Variants in ANKRD30B observed in about 807,000 individuals in gnomAD.
ANKRD30B encodes ankyrin repeat domain 30B, also known as ankyrin repeat domain-containing protein 30B.
A neutral mutation model predicts 202.2 loss-of-function variants in ANKRD30B; 144 were observed. That is an observed-to-expected ratio of 0.71 (90% CI 0.62 to 0.82). ANKRD30B has a LOEUF of 0.82. Ranked by LOEUF, ANKRD30B falls within the 40% of genes least tolerant of loss-of-function variation. ANKRD30B has a pLI of 0.00. For missense variants in ANKRD30B, 1,487 were observed against 1,669.1 expected (o/e 0.89, Z 1.90); for synonymous variants, 508 against 561.3 (o/e 0.91, Z 1.34).
rs45589437 is a variant in ANKRD30B, at chr18:14,809,028, G to T, written c.2386+284G>T. On this transcript the variant is annotated intron_variant, in intron 26 of 43. Coordinates refer to ENST00000690538, the MANE Select transcript of ANKRD30B (RefSeq NM_001367607.2). ...CCAGGTGGATCGGCAGGTTGAGAAA[G>T]AATAGACACAGACAAGATAGTGAAA... Among the ~76,000 whole-genome samples, 15 of 149,238 alleles carry T rather than the reference G, an allele frequency of 1.0e-4. 1 individual carries two copies. The highest frequency in any genetic ancestry group is 3.9e-4 in the East Asian group (2 of 5,068).
chr18:14,784,582 G>A (rs2143876222), intron 14 of ANKRD30B, 47 bp downstream of exon 14: 2 of 1,554,320 alleles, frequency 1.3e-6, no homozygotes, highest in African/African-American at 1.4e-5. Flanking sequence ...TTCAATATTG[G>A]ACATTTTGAT....
chr18:14,757,039 C>A (rs1201714426), intron 4 of ANKRD30B, among the ~76,000 whole-genome samples: 1 of 151,966 alleles, frequency 6.6e-6, no homozygotes, highest in Admixed American at 6.6e-5. Flanking sequence ...TTGCTATCAC[C>A]AGATACTGTG....
At chr18:14,882,213 T>C in the ANKRD30B span, among the ~76,000 whole-genome samples, 2 of 152,196 alleles carry the variant, frequency 1.3e-5, no homozygotes, top group East Asian at 3.9e-4. Flanking sequence ...GATTGTCTGT[T>C]TGTGCTCTTT....
At chr18:14,896,965 C>CAAA in the ANKRD30B span, among the ~76,000 whole-genome samples, 3 of 108,040 alleles carry the variant, frequency 2.8e-5, no homozygotes, top group Non-Finnish European at 5.7e-5. Flanking sequence ...ATGCCAATTG[C>CAAA]AAAAAAAAAA....
At position 14,748,309 on chromosome 18, in the gene ANKRD30B, C is replaced by G. The variant is rs1212106578; in HGVS notation, c.-111C>G. On this transcript the variant is annotated 5_prime_UTR_variant, in exon 1 of 44. Coordinates refer to ENST00000690538, the MANE Select transcript of ANKRD30B (RefSeq NM_001367607.2). Reference sequence around the variant, plus strand: ...TGCGGGAACTGAAGACGGGCGAGTGCGAGCCGGGGGCGGGTGCTGGGGAAG... The same window carrying G: ...TGCGGGAACTGAAGACGGGCGAGTGGGAGCCGGGGGCGGGTGCTGGGGAAG... The G allele has an allele frequency of 1.1e-6, 1 of 892,102 alleles. No homozygotes were observed. The highest frequency in any genetic ancestry group is 1.6e-6 in the Non-Finnish European group (1 of 623,034). 55.3% of individuals were successfully genotyped at this position (892,102 alleles called of 1,614,324 possible). A position where few individuals can be genotyped will look rare whatever the true frequency, so the allele number is the denominator to read the frequency against.
intron 8 of ANKRD30B, among the ~76,000 whole-genome samples, chr18:14,769,841 C>T (rs1463660403): frequency 2.0e-5 from 3 of 152,178 alleles, no homozygotes; most frequent in East Asian, 1.9e-4. Context: ...ACTGTTAAAG[C>T]GGTAACCAGT....
chr18:14,748,476 C>G lies in ANKRD30B; in HGVS notation c.57C>G (p.Asn19Lys), dbSNP rs764250436. 3 of 1,546,034 alleles carry G rather than the reference C, an allele frequency of 1.9e-6. No homozygotes were observed. In the African/African-American group the frequency reaches 4.1e-5, roughly 21 times the overall value. Reference protein sequence around the residue: ...GKGVRGPEPPNPFSERVYTEK... With the variant: ...GKGVRGPEPPKPFSERVYTEK... ...GCGTGCGGGGCCCGGAGCCCCCGAA[C>G]CCCTTCAGCGAACGGGTCTACACTG... Residue 19 changes from asparagine to lysine, a missense_variant, in exon 1 of 44, where the codon AAC becomes AAG. By Grantham distance (94) the Asn-to-Lys change is moderately conservative. Coordinates refer to ENST00000690538, the MANE Select transcript of ANKRD30B (RefSeq NM_001367607.2).
chr18:14,761,234 A>G (rs1243722263), intron 6 of ANKRD30B, among the ~76,000 whole-genome samples: 1 of 152,174 alleles, frequency 6.6e-6, no homozygotes, highest in Non-Finnish European at 1.5e-5. Flanking sequence ...ATGACGGATG[A>G]GACACATACC....
chr18:14,787,119 T>A lies in ANKRD30B; in HGVS notation c.1734+19T>A. On this transcript the variant is annotated intron_variant, in intron 15 of 43. Transcript: ENST00000690538. The stretch of plus-strand genomic sequence containing the variant: ...TTCTGAGGTACTATGTGTTATTGAT[T>A]TTTTTAAATATTAGTATTGCATGAG... 1 of 1,592,396 alleles carries A rather than the reference T, an allele frequency of 6.3e-7. No individual in the cohort carries two copies. The highest frequency in any genetic ancestry group is 1.7e-4 in the Middle Eastern group (1 of 5,970).
At chr18:14,859,035 G>A (rs758808927), downstream of ANKRD30B, among the ~76,000 whole-genome samples, 144 of 114,078 alleles carry the variant, frequency 1.3e-3, no homozygotes, top group Admixed American at 1.7e-3. Context: ...GGGCGGCCAG[G>A]CAGAGGTGCT....
rs547222673 is a variant in ANKRD30B at position 14,793,751 on chromosome 18, G to A, written c.1825+2260G>A. ...CTAATAAAAATACAAAAAATTAGCC[G>A]GGCGTGGCGGTGGGTGCCTGTAGTC... is the stretch of plus-strand genomic sequence containing the variant. On this transcript the variant is annotated intron_variant, in intron 16 of 43. Transcript: ENST00000690538. Among the ~76,000 whole-genome samples, 9 of 151,810 alleles carry A rather than the reference G, an allele frequency of 5.9e-5. No individual in the cohort carries two copies. In the East Asian group the frequency reaches 9.7e-4, roughly 16 times the overall value.
chr18:14,907,781 C>G, the ANKRD30B span, among the ~76,000 whole-genome samples: 1 of 152,116 alleles, frequency 6.6e-6, no homozygotes, highest in African/African-American at 2.4e-5. Context: ...TCTGGCTTCC[C>G]CCTACCTCAC....
At chr18:14,776,913 A>G (rs1967390396) in intron 9 of ANKRD30B, among the ~76,000 whole-genome samples, 1 of 152,212 alleles carries the variant, frequency 6.6e-6, no homozygotes, top group African/African-American at 2.4e-5. Context: ...ATCAGCTTCT[A>G]CAGAGTTCTA....
chr18:14,767,827 A>G (rs1916492304), intron 7 of ANKRD30B, among the ~76,000 whole-genome samples: 1 of 152,220 alleles, frequency 6.6e-6, no homozygotes, highest in Admixed American at 6.5e-5. Flanking sequence ...TATGACTTGC[A>G]TATTTCTAGA....
the ANKRD30B span, among the ~76,000 whole-genome samples, chr18:14,932,507 T>A: frequency 6.6e-6 from 1 of 152,016 alleles, no homozygotes; most frequent in Non-Finnish European, 1.5e-5. Flanking sequence ...CGGCTAACTT[T>A]TTTTGTATTT....
intron 25 of ANKRD30B, 23 bp downstream of exon 25, chr18:14,808,602 G>T (rs45600032): frequency 4.4e-6 from 7 of 1,574,882 alleles, no homozygotes; most frequent in Non-Finnish European, 6.1e-6. Context: ...ATATTTCTAT[G>T]TTGAATATTA....
chr18:14,783,363 A>T (rs1341937710), intron 12 of ANKRD30B, among the ~76,000 whole-genome samples: 1 of 152,164 alleles, frequency 6.6e-6, no homozygotes, highest in Non-Finnish European at 1.5e-5. Context: ...TTTGAATAGC[A>T]AGAGGAGTGC....
chr18:14,799,654 A>C (rs1969185042), intron 22 of ANKRD30B, among the ~76,000 whole-genome samples: 1 of 152,098 alleles, frequency 6.6e-6, no homozygotes, highest in African/African-American at 2.4e-5. Flanking sequence ...ACTTTGAGGA[A>C]AGTTTCACTT....
chr18:14,816,672 T>C (rs927451448), intron 30 of ANKRD30B: 1 of 151,610 alleles, frequency 6.6e-6, no homozygotes, highest in African/African-American at 2.4e-5. Context: ...AATTTATTTA[T>C]TGTGGCACTA....
Sources: gnomAD v4.1 joint callset for allele counts (sites outside exome capture counted in the v4.1 genomes callset) on GRCh38, gnomAD v4.1.1 for gene constraint, MANE v1.5 for transcripts, NCBI Gene and HGNC (gene_info 2026-07-23, HGNC 2026-07-21) for gene names.